Variants in HOMER2 observed in about 807,000 individuals in gnomAD.
HOMER2 encodes homer protein homolog 2.
Under a neutral mutation model 47.0 loss-of-function variants are expected in HOMER2, and 27 were observed. The observed-to-expected ratio is 0.57, with a 90% CI of 0.42 to 0.79. The LOEUF is 0.79. Among genes scored for constraint, HOMER2 ranks in the 30% least tolerant of loss-of-function variants. The pLI is 0.00. For missense variants in HOMER2, 443 were observed against 435.0 expected, an observed-to-expected ratio of 1.02 and a Z score of -0.16; for synonymous variants, 161 against 163.8, an observed-to-expected ratio of 0.98 and a Z score of 0.13.
intron 3 of HOMER2, among the ~76,000 whole-genome samples, chr15:82,868,104 A>T (rs1457297695): frequency 6.6e-6 from 1 of 152,122 alleles, no homozygotes; most frequent in Non-Finnish European, 1.5e-5. Flanking sequence ...TATTTTTTTC[A>T]TATGATTGTT....
chr15:82,896,160 G>C (rs2052908275), intron 1 of HOMER2, among the ~76,000 whole-genome samples: 1 of 152,090 alleles, frequency 6.6e-6, no homozygotes, highest in African/African-American at 2.4e-5. Flanking sequence ...AGGGGAGGCA[G>C]AGCTGTTCTG....
At chr15:82,836,131 C>A (rs936377899), downstream of HOMER2, 15 of 152,374 alleles carry the variant, frequency 9.8e-5, no homozygotes, top group Middle Eastern at 3.4e-3. Flanking sequence ...TGCATCAACG[C>A]TTCCTTTCCT....
chr15:82,857,683 G>A (rs1192890977), intron 5 of HOMER2, among the ~76,000 whole-genome samples: 6 of 151,926 alleles, frequency 3.9e-5, no homozygotes, highest in Admixed American at 3.3e-4. Context: ...CAGCCACCTC[G>A]GCCTCCCAAA....
chr15:82,978,974 C>A (rs1221827828), intron 1 of HOMER2, among the ~76,000 whole-genome samples: 1 of 152,210 alleles, frequency 6.6e-6, no homozygotes, highest in African/African-American at 2.4e-5. Context: ...CCGCCTTGGC[C>A]TCCCAAAGTG....
In HOMER2 at chr15:82,981,778, T is replaced by C. The variant is rs2030403055; in HGVS notation, n.82+4009A>G. ...CAAAACAGCATATAATGTATTTCAC[T>C]TGCATGAGGTACCTAGAGTAGTCAA... is the stretch of plus-strand genomic sequence containing the variant. On this transcript the variant is annotated intron_variant and non_coding_transcript_variant, in intron 1 of 1. Coordinates refer to the HOMER2 transcript ENST00000500334. Among the ~76,000 whole-genome samples, 3 of 152,198 alleles carry C rather than the reference T, an allele frequency of 2.0e-5. 1 individual carries two copies. The highest frequency in any genetic ancestry group is 1.3e-4 in the Admixed American group (2 of 15,276).
At chr15:82,983,197 G>A (rs1169903131) in intron 1 of HOMER2, among the ~76,000 whole-genome samples, 3 of 152,146 alleles carry the variant, frequency 2.0e-5, no homozygotes, top group African/African-American at 7.2e-5. Flanking sequence ...ATTGACTACT[G>A]TACGGAAAGT....
At chr15:82,897,087 G>C (rs919181054) in intron 1 of HOMER2, among the ~76,000 whole-genome samples, 7 of 12,588 alleles carry the variant, frequency 5.6e-4, no homozygotes, top group African/African-American at 2.0e-3. Context: ...TTTTTTTTTA[G>C]ATGAAGTCTC....
rs563606557 is a variant in HOMER2 at position 82,894,685 on chromosome 15, A to T, written c.6-1844T>A. Among the ~76,000 whole-genome samples, 11 of 152,038 alleles carry T rather than the reference A, an allele frequency of 7.2e-5. No individual in the cohort carries two copies. In the South Asian group the frequency reaches 2.3e-3, roughly 32 times the overall value. ...GACTCCATCTCAAAAAAAAAAAAAA[A>T]AAATAGTCCCATTGTTTATAAAATG... On this transcript the variant is annotated intron_variant, in intron 1 of 8. Transcript: ENST00000450735.
chr15:82,851,178 C>G lies in HOMER2; in HGVS notation c.816G>C (p.Glu272Asp). 1 of 1,578,536 alleles carries G rather than the reference C, an allele frequency of 6.3e-7. No individual in the cohort carries two copies. Among genetic ancestry groups the G allele is most frequent in the African/African-American group, 1.3e-5 (1 of 74,478 alleles). The change falls in exon 8 of 9, where the codon GAG (glutamate) becomes GAC (aspartate). Residue 272 changes from glutamate (E) to aspartate (D), a missense_variant. By Grantham distance (45) the Glu-to-Asp change is conservative. Transcript: ENST00000450735. ...QSEIIPQLMSECEYVSEKLEA... is the reference protein window; with the variant it reads ...QSEIIPQLMSDCEYVSEKLEA... ...CTAGCTTCTCAGAGACATATTCGCA[C>G]TCTGACATGAGCTGAGGTATGATTT... is the stretch of plus-strand genomic sequence containing the variant.
chr15:82,916,946 C>T (rs187992384), intron 1 of HOMER2, among the ~76,000 whole-genome samples: 2 of 152,208 alleles, frequency 1.3e-5, no homozygotes, highest in Admixed American at 6.5e-5. Context: ...GGATTACAGG[C>T]GCACGCCACA....
At position 82,854,766 on chromosome 15, in the gene HOMER2, G is replaced by A; in HGVS notation, c.529C>T (p.Gln177Ter). ...ANVKKWEIEL[Q>*]TLRESNARLT... ...CGTGCATTGCTCTCCCGAAGGGTCT[G>A]CAGCTCGATCTCCCACTTCTTCACG... Residue 177 changes from glutamine to a stop codon, truncating the protein, a stop_gained, in exon 6 of 9, where the codon CAG becomes TAG. Coordinates refer to ENST00000450735, the MANE Select transcript of HOMER2 (RefSeq NM_004839.4). LOFTEE classifies it high-confidence loss of function. 6.2e-7 allele frequency: 1 copy of A among 1,611,322 alleles called. No homozygotes were observed.
chr15:82,863,629 G>A (rs1044660426), intron 4 of HOMER2, among the ~76,000 whole-genome samples: 1 of 152,166 alleles, frequency 6.6e-6, no homozygotes, highest in Non-Finnish European at 1.5e-5. Context: ...CTAGACATCA[G>A]GAAAGTGGGT....
rs76322483 is a variant in HOMER2 at position 82,942,135 on chromosome 15, A to G, written c.5+10396T>C. On this transcript the variant is annotated intron_variant, in intron 1 of 8. Transcript: ENST00000450735. ...CACCTCCTTCAGGAAGCCTTCTCTA[A>G]CTTCGTACAGAGTTAAGCATCTATC... 5.0e-3 allele frequency among the ~76,000 whole-genome samples: 760 copies of G among 152,230 alleles called. 14 individuals carry two copies. Among genetic ancestry groups the G allele is most frequent in the Non-Finnish European group, 4.6e-3 (310 of 68,012 alleles).
At chr15:82,984,283 C>T (rs968024913) in intron 1 of HOMER2, among the ~76,000 whole-genome samples, 3 of 152,010 alleles carry the variant, frequency 2.0e-5, no homozygotes, top group African/African-American at 2.4e-5. Context: ...CCACCCGCCT[C>T]GACCTCCCAA....
upstream of HOMER2, among the ~76,000 whole-genome samples, chr15:82,954,852 C>A (rs1457737232): frequency 6.6e-6 from 1 of 151,924 alleles, no homozygotes; most frequent in Non-Finnish European, 1.5e-5. Context: ...GATCTCAGGG[C>A]ACCACAACCT....
At chr15:82,837,951 TG>T (rs1408763316) in exon 2 of HOMER2, 1 of 152,122 alleles carries the variant, frequency 6.6e-6, no homozygotes, top group African/African-American at 2.4e-5. Context: ...TCCCTGGTAG[TG>T]GTTTAGTTTC....
chr15:82,946,278 C>T (rs184807361), intron 1 of HOMER2, among the ~76,000 whole-genome samples: 8 of 152,332 alleles, frequency 5.3e-5, no homozygotes, highest in African/African-American at 1.9e-4. Context: ...TTATTCTTTC[C>T]TAACAACACT....
exon 2 of HOMER2, chr15:82,837,961 T>C (rs2151580705): frequency 6.6e-6 from 1 of 152,440 alleles, no homozygotes; most frequent in South Asian, 2.1e-4. Flanking sequence ...TGGTTTAGTT[T>C]CATCCGGAGG....
At chr15:82,906,911 G>A (rs1438893554) in intron 1 of HOMER2, among the ~76,000 whole-genome samples, 1 of 152,154 alleles carries the variant, frequency 6.6e-6, no homozygotes. Flanking sequence ...TAATAATAAA[G>A]GGGCCAATAC....
Sources: allele counts gnomAD v4.1 joint callset (sites outside exome capture counted in the v4.1 genomes callset), GRCh38; gene constraint gnomAD v4.1.1; transcripts MANE v1.5; gene names NCBI Gene and HGNC (gene_info 2026-07-23, HGNC 2026-07-21).